TRIM2: variants seen among roughly 807,000 people sequenced by gnomAD.
TRIM2 encodes tripartite motif containing 2, also known as tripartite motif-containing protein 2.
TRIM2 carries 20 observed loss-of-function variants against 75.2 expected under a neutral mutation model. The ratio of observed to expected loss-of-function variants is 0.27; its 90% confidence interval spans 0.19 to 0.39. The LOEUF (loss-of-function observed/expected upper bound fraction) is 0.39, where lower values mean the gene tolerates loss of function less well. TRIM2 is among the 10% of genes least tolerant of loss of function. The pLI is 1.00. For synonymous variants in TRIM2, 373 were observed against 388.3 expected (o/e 0.96, Z 0.46); for missense variants, 660 against 990.8 (o/e 0.67, Z 4.48).
At position 153,337,401 on chromosome 4, in the gene TRIM2, A is replaced by G. The variant is rs1772576089; in HGVS notation, c.*2435A>G. 1.0e-6 allele frequency: 1 copy of G among 985,880 alleles called. No individual in the cohort carries two copies. Among genetic ancestry groups the G allele is most frequent in the Admixed American group, 6.1e-5 (1 of 16,290 alleles). 61.1% of individuals were successfully genotyped at this position (985,880 alleles called of 1,614,324 possible). A position where few individuals can be genotyped will look rare whatever the true frequency, so the allele number is the denominator to read the frequency against. On this transcript the variant is annotated 3_prime_UTR_variant, in exon 12 of 12. Coordinates refer to ENST00000338700, the MANE Select transcript of TRIM2 (RefSeq NM_015271.5). Reference sequence around the variant, plus strand: ...ACTGAATACAAAGCTAATTTTTTTTACATGTCAATATTGGCACAAACTGGA... The same window carrying G: ...ACTGAATACAAAGCTAATTTTTTTTGCATGTCAATATTGGCACAAACTGGA...
chr4:153,153,846 G>A (rs987111323), intron 1 of TRIM2, among the ~76,000 whole-genome samples: 1 of 152,226 alleles, frequency 6.6e-6, no homozygotes, highest in Non-Finnish European at 1.5e-5. Flanking sequence ...GAGCCCTGCA[G>A]GCCTCAGTCT....
At chr4:153,331,949 A>G (rs1019141601) in intron 11 of TRIM2, among the ~76,000 whole-genome samples, 1 of 152,230 alleles carries the variant, frequency 6.6e-6, no homozygotes, top group African/African-American at 2.4e-5. Flanking sequence ...ACCACAGAGG[A>G]AAAAAAGAAT....
chr4:153,202,122 GATTA>G (rs1734430340), upstream of TRIM2, among the ~76,000 whole-genome samples: 1 of 152,152 alleles, frequency 6.6e-6, no homozygotes, highest in African/African-American at 2.4e-5. Flanking sequence ...AACTAATATA[GATTA>G]GAAAGGATGG....
At position 153,270,515 on chromosome 4, in the gene TRIM2, G is replaced by A; in HGVS notation, c.211G>A (p.Glu71Lys). Residue 71 changes from glutamate to lysine, a missense_variant, in exon 2 of 12, where the codon GAG (glutamate) becomes AAG (lysine). Glu to Lys is a moderately conservative substitution (Grantham distance 56). Around this residue, in one of 2 missense-constraint regions of TRIM2, gnomAD observed 620 missense variants for 891.0 expected, o/e 0.70. Transcript: ENST00000338700. Reference sequence around the variant, plus strand: ...TCTCCCCTGTCTGCACACTTTCTGCGAGAGGTAAGCCTCCTTTGTGCTTGG... The same window carrying A: ...TCTCCCCTGTCTGCACACTTTCTGCAAGAGGTAAGCCTCCTTTGTGCTTGG... ...KVLPCLHTFC[E>K]RCLQNYIPAH... 5.6e-6 allele frequency: 9 copies of A among 1,607,024 alleles called. No individual in the cohort carries two copies. Among genetic ancestry groups the A allele is most frequent in the East Asian group, 4.5e-5 (2 of 44,446 alleles).
At chr4:153,157,547 T>C (rs566476465) in intron 1 of TRIM2, among the ~76,000 whole-genome samples, 5 of 152,262 alleles carry the variant, frequency 3.3e-5, no homozygotes, top group African/African-American at 9.6e-5. Context: ...AGCCCCAATT[T>C]TGAGTTGCCA....
intron 1 of TRIM2, among the ~76,000 whole-genome samples, chr4:153,153,871 A>C (rs979611180): frequency 6.6e-6 from 1 of 152,178 alleles, no homozygotes. Flanking sequence ...CCGCGCCCAG[A>C]ACTCGTTTCT....
Position 153,178,985 on chromosome 4 carries a change from A to G in TRIM2, c.-49+25715A>G, listed in dbSNP as rs577178897. ...AGGATGGCTTGAGCTCAGGAGTTTGAGACTAGCCTGGGCAACAAACACAGT... is the reference window on the plus strand; with the variant it reads ...AGGATGGCTTGAGCTCAGGAGTTTGGGACTAGCCTGGGCAACAAACACAGT... On this transcript the variant is annotated intron_variant, in intron 1 of 11. Coordinates refer to the TRIM2 transcript ENST00000437508. 3.2e-4 allele frequency among the ~76,000 whole-genome samples: 48 copies of G among 152,258 alleles called. No individual in the cohort carries two copies. In the East Asian group the frequency reaches 8.3e-3, roughly 26 times the overall value.
chr4:153,194,979 C>G (rs556051186), intron 1 of TRIM2, among the ~76,000 whole-genome samples: 3 of 152,174 alleles, frequency 2.0e-5, no homozygotes, highest in Admixed American at 2.0e-4. Context: ...GATATGTCTA[C>G]GTAGAACCAC....
chr4:153,165,868 A>G (rs1024719103), intron 1 of TRIM2, among the ~76,000 whole-genome samples: 3 of 151,932 alleles, frequency 2.0e-5, no homozygotes, highest in African/African-American at 4.8e-5. Flanking sequence ...GGGTTTTTCT[A>G]TTAATTATTT....
chr4:153,188,215 C>G (rs1732812725), intron 1 of TRIM2, among the ~76,000 whole-genome samples: 1 of 152,272 alleles, frequency 6.6e-6, no homozygotes, highest in Admixed American at 6.5e-5. Flanking sequence ...ATCCTAACAC[C>G]TTGGGAGTCT....
intron 1 of TRIM2, among the ~76,000 whole-genome samples, chr4:153,184,226 G>T (rs890538412): frequency 6.6e-6 from 1 of 152,160 alleles, no homozygotes; most frequent in East Asian, 1.9e-4. Context: ...AGTTTTGGAG[G>T]CTGGAAGTCG....
rs571040244 is a variant in TRIM2, at chr4:153,172,345, G to A, written c.-49+19075G>A. ...TGGGACTACAGGCGCCCGCCACCGC[G>A]CCCGGCTAATTTTTTGTATTTTTAG... is the stretch of plus-strand genomic sequence containing the variant. On this transcript the variant is annotated intron_variant, in intron 1 of 11. Coordinates refer to the TRIM2 transcript ENST00000437508. 3.6e-4 allele frequency among the ~76,000 whole-genome samples: 55 copies of A among 152,058 alleles called. No homozygotes were observed. The East Asian group carries it at 4.6e-3, about 13-fold the overall frequency.
intron 1 of TRIM2, among the ~76,000 whole-genome samples, chr4:153,157,350 T>G (rs569178569): frequency 6.6e-6 from 1 of 152,194 alleles, no homozygotes; most frequent in South Asian, 2.1e-4. Context: ...AGCCTCTTGG[T>G]TCTCCAAAGT....
intron 1 of TRIM2, among the ~76,000 whole-genome samples, chr4:153,216,823 T>C (rs1738605060): frequency 6.6e-6 from 1 of 152,190 alleles, no homozygotes. Context: ...CCTCAAGTCC[T>C]TTTATAAAGG....
At chr4:153,325,213 C>T (rs1230745200) in intron 10 of TRIM2, among the ~76,000 whole-genome samples, 1 of 152,174 alleles carries the variant, frequency 6.6e-6, no homozygotes, top group Admixed American at 6.5e-5. Context: ...ATGGAGAGGG[C>T]TTGGATCTTT....
At chr4:153,272,612 G>T in intron 2 of TRIM2, among the ~76,000 whole-genome samples, 1 of 150,508 alleles carries the variant, frequency 6.6e-6, no homozygotes, top group African/African-American at 2.5e-5. Context: ...TCAACTTCTT[G>T]AGTAGTTGGG....
chr4:153,307,409 C>T (rs770074216), intron 6 of TRIM2, among the ~76,000 whole-genome samples: 6 of 152,006 alleles, frequency 3.9e-5, no homozygotes, highest in Non-Finnish European at 7.4e-5. Flanking sequence ...TGTGTAAAAT[C>T]GCTTAGCATG....
intron 8 of TRIM2, among the ~76,000 whole-genome samples, chr4:153,318,393 CTG>C (rs1768167221): frequency 6.6e-6 from 1 of 152,168 alleles, no homozygotes; most frequent in African/African-American, 2.4e-5. Context: ...GACTGAAAAA[CTG>C]TCATTTTTTA....
At chr4:153,247,995 GTT>G (rs34416658) in intron 1 of TRIM2, among the ~76,000 whole-genome samples, 27,609 of 128,140 alleles carry the variant, frequency 0.22, 2,811 homozygotes, top group Middle Eastern at 0.35. Flanking sequence ...TGGATCATGT[GTT>G]TTTTTTTTTT....
Sources: gnomAD v4.1 joint callset for allele counts (sites outside exome capture counted in the v4.1 genomes callset) on GRCh38, gnomAD v4.1.1 for gene constraint, gnomAD v4.1.1 regional missense constraint, MANE v1.5 for transcripts, NCBI Gene and HGNC (gene_info 2026-07-23, HGNC 2026-07-21) for gene names.